Variants in PKIA observed in about 807,000 individuals in gnomAD.
PKIA encodes the protein PKI-alpha.
PKIA carries 4 observed loss-of-function variants against 7.6 expected under a neutral mutation model. The observed-to-expected ratio is 0.52, with a 90% CI of 0.26 to 1.20. PKIA has a LOEUF of 1.20. Ranked by LOEUF, PKIA falls within the 50% of genes most tolerant of loss-of-function variation. PKIA has a pLI of 0.13. For missense variants in PKIA, 73 were observed against 86.2 expected, an observed-to-expected ratio of 0.85 and a Z score of 0.61; for synonymous variants, 21 against 30.7, an observed-to-expected ratio of 0.68 and a Z score of 1.04.
chr8:78,596,779 T>A (rs1808235173), intron 2 of PKIA, among the ~76,000 whole-genome samples: 1 of 152,218 alleles, frequency 6.6e-6, no homozygotes, highest in Non-Finnish European at 1.5e-5. Flanking sequence ...TATGTTTTCC[T>A]CTAGAGTTTT....
chr8:78,573,615 C>T (rs568740460), intron 2 of PKIA, among the ~76,000 whole-genome samples: 21 of 152,046 alleles, frequency 1.4e-4, no homozygotes, highest in Non-Finnish European at 2.6e-4. Context: ...TAATAAGTGG[C>T]TCATCTTCTC....
intron 2 of PKIA, among the ~76,000 whole-genome samples, chr8:78,581,237 A>T (rs980664076): frequency 6.6e-6 from 1 of 152,100 alleles, no homozygotes; most frequent in Non-Finnish European, 1.5e-5. Context: ...AATTGAAAGG[A>T]TTTCCCCTGG....
At chr8:78,579,659 T>G (rs995081025) in intron 2 of PKIA, among the ~76,000 whole-genome samples, 2 of 152,058 alleles carry the variant, frequency 1.3e-5, no homozygotes, top group African/African-American at 4.8e-5. Context: ...AATGAGCAAG[T>G]TTATTAAATA....
intron 1 of PKIA, among the ~76,000 whole-genome samples, chr8:78,539,927 A>G (rs1004481607): frequency 1.6e-4 from 24 of 152,106 alleles, no homozygotes; most frequent in African/African-American, 5.8e-4. Context: ...TGTCTTACAC[A>G]TTATATGATT....
intron 2 of PKIA, among the ~76,000 whole-genome samples, chr8:78,596,258 G>A (rs1808224141): frequency 1.3e-5 from 2 of 151,602 alleles, no homozygotes; most frequent in Non-Finnish European, 2.9e-5. Flanking sequence ...ATTTTTTTAA[G>A]ACAAAGTTTC....
At chr8:78,579,579 A>T (rs927546408) in intron 2 of PKIA, among the ~76,000 whole-genome samples, 7 of 152,030 alleles carry the variant, frequency 4.6e-5, no homozygotes, top group Admixed American at 2.6e-4. Flanking sequence ...CATTTTGTGG[A>T]GGCATTTGGT....
At chr8:78,547,895 A>G (rs1183996192) in intron 1 of PKIA, among the ~76,000 whole-genome samples, 1 of 152,136 alleles carries the variant, frequency 6.6e-6, no homozygotes, top group Non-Finnish European at 1.5e-5. Context: ...CTTAATCTAC[A>G]TGACCTACTT....
chr8:78,601,755 T>C lies in PKIA; in HGVS notation c.165T>C (p.Asp55=). The change falls in exon 4 of 4, where the codon GAT becomes GAC. Residue 55 remains aspartate (D), a synonymous_variant. Coordinates refer to ENST00000396418, the MANE Select transcript of PKIA (RefSeq NM_006823.4). The part of the protein sequence containing the change: ...LDINKTEGEE[D]AQRSSTEQSG... ...TTTCTTTTGCAGAAGGTGAAGAAGATGCACAACGAAGTTCTACAGAACAAA... is the reference window on the plus strand; with the variant it reads ...TTTCTTTTGCAGAAGGTGAAGAAGACGCACAACGAAGTTCTACAGAACAAA... The C allele has an allele frequency of 6.2e-7, 1 of 1,612,080 alleles. No individual in the cohort carries two copies. The highest frequency in any genetic ancestry group is 8.5e-7 in the Non-Finnish European group (1 of 1,178,712).
chr8:78,580,847 G>C (rs535562577), intron 2 of PKIA, among the ~76,000 whole-genome samples: 6 of 152,090 alleles, frequency 3.9e-5, no homozygotes, highest in Non-Finnish European at 8.8e-5. Flanking sequence ...ATGAAAATGG[G>C]GGAATGAAAG....
At chr8:78,534,318 A>C (rs1465810506) in intron 1 of PKIA, 1 of 152,142 alleles carries the variant, frequency 6.6e-6, no homozygotes, top group Non-Finnish European at 1.5e-5. Flanking sequence ...AGAAATCCCC[A>C]GCGCAAGAAC....
intron 1 of PKIA, among the ~76,000 whole-genome samples, chr8:78,561,488 G>A (rs889659941): frequency 6.6e-6 from 1 of 151,482 alleles, no homozygotes; most frequent in African/African-American, 2.4e-5. Context: ...AGTACAGGAA[G>A]CATATTTTAG....
At chr8:78,530,763 C>T (rs2118360312) in intron 1 of PKIA, among the ~76,000 whole-genome samples, 1 of 152,130 alleles carries the variant, frequency 6.6e-6, no homozygotes, top group East Asian at 1.9e-4. Context: ...CTTACTAGAA[C>T]ATGATTTATA....
chr8:78,536,142 A>G (rs2118383173), intron 1 of PKIA, among the ~76,000 whole-genome samples: 1 of 152,208 alleles, frequency 6.6e-6, no homozygotes, highest in Non-Finnish European at 1.5e-5. Flanking sequence ...CCCTATCAAG[A>G]CTGGTGGGGT....
intron 2 of PKIA, among the ~76,000 whole-genome samples, chr8:78,585,241 G>GATATATTTTATATATATA (rs1417330825): frequency 2.0e-4 from 30 of 151,860 alleles, no homozygotes; most frequent in Admixed American, 1.6e-3. Context: ...ATATATATGG[G>GATATATTTTATATATATA]TATATTTCTC....
chr8:78,550,280 C>T (rs776850061), intron 1 of PKIA, among the ~76,000 whole-genome samples: 1 of 152,070 alleles, frequency 6.6e-6, no homozygotes, highest in East Asian at 1.9e-4. Context: ...TCCTATCCTT[C>T]GTGCAGTTTG....
intron 1 of PKIA, among the ~76,000 whole-genome samples, chr8:78,539,297 C>T (rs932702419): frequency 4.0e-5 from 6 of 151,718 alleles, no homozygotes; most frequent in Admixed American, 2.0e-4. Context: ...AACCCTGTCT[C>T]GATGTAAGGA....
intron 1 of PKIA, among the ~76,000 whole-genome samples, chr8:78,552,362 G>C (rs1348840120): frequency 6.7e-6 from 1 of 149,350 alleles, no homozygotes; most frequent in South Asian, 2.1e-4. Flanking sequence ...TTGCATACTG[G>C]AAGGAAGGAA....
intron 2 of PKIA, among the ~76,000 whole-genome samples, chr8:78,589,096 G>T (rs1313283065): frequency 2.0e-5 from 3 of 152,114 alleles, no homozygotes; most frequent in Non-Finnish European, 4.4e-5. Context: ...AAGAGCACCA[G>T]TCAGGTATTA....
rs1049566289 is a variant in PKIA at position 78,529,944 on chromosome 8, GA to G, written c.-157+13479del. 1.5e-3 allele frequency among the ~76,000 whole-genome samples: 235 copies of G among 152,040 alleles called. 1 individual carries two copies. Among genetic ancestry groups the G allele is most frequent in the African/African-American group, 5.2e-3 (218 of 41,524 alleles). ...TATTACTTGTAGAACTGCGTAAAAAGAAATTCATGTTTGGATGTTCTTTACC... is the reference window on the plus strand; with the variant it reads ...TATTACTTGTAGAACTGCGTAAAAAGAATTCATGTTTGGATGTTCTTTACC... On this transcript the variant is annotated intron_variant, in intron 1 of 3. Coordinates refer to ENST00000396418, the MANE Select transcript of PKIA (RefSeq NM_006823.4).
Sources: gnomAD v4.1 joint callset for allele counts (sites outside exome capture counted in the v4.1 genomes callset) on GRCh38, gnomAD v4.1.1 for gene constraint, MANE v1.5 for transcripts, NCBI Gene and HGNC (gene_info 2026-07-23, HGNC 2026-07-21) for gene names.